MAMDC2: variants seen among roughly 807,000 people sequenced by gnomAD.
MAMDC2 encodes MAM domain-containing protein 2.
A neutral mutation model predicts 89.8 loss-of-function variants in MAMDC2; 57 were observed. The ratio of observed to expected loss-of-function variants is 0.63; its 90% confidence interval spans 0.51 to 0.79. The LOEUF (loss-of-function observed/expected upper bound fraction) is 0.79, where lower values mean the gene tolerates loss of function less well. Ranked by LOEUF, MAMDC2 falls within the 30% of genes least tolerant of loss-of-function variation. The pLI, the probability that MAMDC2 is intolerant of heterozygous loss-of-function variation, is 0.00. For missense variants in MAMDC2, 800 were observed against 820.6 expected (o/e 0.97, Z 0.31); for synonymous variants, 313 against 293.4 (o/e 1.07, Z -0.68).
intron 2 of MAMDC2, among the ~76,000 whole-genome samples, chr9:70,051,946 T>C (rs1487182000): frequency 6.6e-6 from 1 of 151,542 alleles, no homozygotes; most frequent in Non-Finnish European, 1.5e-5. Context: ...TAGATAGATA[T>C]AGTTTCACCT....
Position 70,226,269 on chromosome 9 carries a change from T to G in MAMDC2, c.*237T>G. ...ACTGGTTTTGCATAGATCATTCATC[T>G]TAATTTTGGTACCAGTTAAAAATAC... On this transcript the variant is annotated 3_prime_UTR_variant, in exon 14 of 14. Coordinates refer to ENST00000377182, the MANE Select transcript of MAMDC2 (RefSeq NM_153267.5). 3.4e-6 allele frequency: 1 copy of G among 294,092 alleles called. No individual in the cohort carries two copies. The highest frequency in any genetic ancestry group is 6.3e-6 in the Non-Finnish European group (1 of 158,704). 18.2% of individuals were successfully genotyped at this position (294,092 alleles called of 1,614,324 possible). A position where few individuals can be genotyped will look rare whatever the true frequency, so the allele number is the denominator to read the frequency against.
intron 7 of MAMDC2, among the ~76,000 whole-genome samples, chr9:70,134,871 G>C (rs1451476965): frequency 6.6e-6 from 1 of 152,122 alleles, no homozygotes; most frequent in Non-Finnish European, 1.5e-5. Flanking sequence ...GCCTGCTTTT[G>C]GGCTGGCACA....
At chr9:70,102,346 G>A (rs1828218491) in intron 2 of MAMDC2, among the ~76,000 whole-genome samples, 1 of 152,118 alleles carries the variant, frequency 6.6e-6, no homozygotes, top group African/African-American at 2.4e-5. Context: ...CTGAAGGACG[G>A]GGCATTCGGC....
chr9:70,198,545 AT>A (rs2033024748), intron 11 of MAMDC2, among the ~76,000 whole-genome samples: 1 of 151,998 alleles, frequency 6.6e-6, no homozygotes, highest in African/African-American at 2.4e-5. Flanking sequence ...GTCTTCAACT[AT>A]TTTCTCCCAC....
At chr9:70,124,947 G>T (rs2030462309) in intron 5 of MAMDC2, among the ~76,000 whole-genome samples, 1 of 152,186 alleles carries the variant, frequency 6.6e-6, no homozygotes, top group South Asian at 2.1e-4. Flanking sequence ...CTGGCCTCAA[G>T]CAATGCTCCC....
chr9:70,154,693 T>C (rs1392187548), intron 9 of MAMDC2, among the ~76,000 whole-genome samples: 1 of 151,996 alleles, frequency 6.6e-6, no homozygotes, highest in East Asian at 1.9e-4. Context: ...TTTCATTTTT[T>C]GCAGAGACAG....
At chr9:70,073,365 GT>G (rs1827453963) in intron 2 of MAMDC2, among the ~76,000 whole-genome samples, 1 of 152,162 alleles carries the variant, frequency 6.6e-6, no homozygotes, top group African/African-American at 2.4e-5. Context: ...GTTCCTAGTT[GT>G]TTTAAAACCA....
intron 2 of MAMDC2, among the ~76,000 whole-genome samples, chr9:70,049,491 C>G (rs1826839704): frequency 6.6e-6 from 1 of 152,162 alleles, no homozygotes; most frequent in Non-Finnish European, 1.5e-5. Flanking sequence ...TTCCTGCAGA[C>G]TACAGCTCCT....
chr9:70,085,834 T>A (rs977495419), intron 2 of MAMDC2: 2 of 152,132 alleles, frequency 1.3e-5, no homozygotes, highest in Non-Finnish European at 2.9e-5. Context: ...AACTTTTTAT[T>A]TTTTATTAAT....
At chr9:70,171,337 A>ATTT (rs11376987) in intron 11 of MAMDC2, among the ~76,000 whole-genome samples, 3 of 149,500 alleles carry the variant, frequency 2.0e-5, no homozygotes, top group African/African-American at 4.9e-5. Context: ...TATCTTGACA[A>ATTT]TTTTTTTTTT....
chr9:70,145,250 G>A (rs771688631), intron 9 of MAMDC2, among the ~76,000 whole-genome samples: 5 of 152,140 alleles, frequency 3.3e-5, no homozygotes, highest in Non-Finnish European at 5.9e-5. Flanking sequence ...GAGCTATATT[G>A]CTCAGCTCCC....
At chr9:70,044,500 ACCAGGTAGTCCC>A (rs1458709051) in intron 1 of MAMDC2, 72 bp from the exon 2 acceptor site, 3 of 1,099,258 alleles carry the variant, frequency 2.7e-6, no homozygotes, top group Middle Eastern at 2.9e-4. Flanking sequence ...CCCCACTTTC[ACCAGGTAGTCCC>A]CCTGGGGCTC....
intron 2 of MAMDC2, among the ~76,000 whole-genome samples, chr9:70,066,075 A>G (rs1375416289): frequency 6.6e-6 from 1 of 152,190 alleles, no homozygotes; most frequent in African/African-American, 2.4e-5. Flanking sequence ...AAACACATAA[A>G]TAATCATATA....
intron 2 of MAMDC2, chr9:70,092,345 A>C (rs1037753426): frequency 5.3e-5 from 8 of 152,246 alleles, no homozygotes; most frequent in African/African-American, 1.7e-4. Context: ...GAAGGACCAG[A>C]GAGCATGTTG....
intron 2 of MAMDC2, among the ~76,000 whole-genome samples, chr9:70,066,645 C>T (rs145175183): frequency 1.3e-5 from 2 of 152,228 alleles, no homozygotes; most frequent in African/African-American, 4.8e-5. Context: ...CTTTTCTCAT[C>T]AAGCCAGGGG....
intron 11 of MAMDC2, among the ~76,000 whole-genome samples, chr9:70,197,540 G>C (rs147423228): frequency 6.6e-6 from 1 of 152,094 alleles, no homozygotes; most frequent in African/African-American, 2.4e-5. Context: ...ATTTGCCAAA[G>C]TGTTTCACAT....
chr9:70,222,625 T>A (rs1384765217), intron 12 of MAMDC2, among the ~76,000 whole-genome samples: 2 of 152,206 alleles, frequency 1.3e-5, no homozygotes, highest in African/African-American at 4.8e-5. Context: ...ACTGACTCAC[T>A]ATTGATCAAA....
chr9:70,192,135 CTGA>C (rs2032892657), intron 11 of MAMDC2, among the ~76,000 whole-genome samples: 2 of 152,106 alleles, frequency 1.3e-5, no homozygotes, highest in South Asian at 4.1e-4. Context: ...GCTCATTTCA[CTGA>C]CCTTCCATTT....
chr9:70,123,868 C>T (rs1041759276), intron 5 of MAMDC2, among the ~76,000 whole-genome samples: 4 of 152,184 alleles, frequency 2.6e-5, no homozygotes, highest in South Asian at 2.1e-4. Flanking sequence ...CCTTCCCTCA[C>T]GGCCCTGAGA....
Sources: gnomAD v4.1 joint callset for allele counts (sites outside exome capture counted in the v4.1 genomes callset) on GRCh38, gnomAD v4.1.1 for gene constraint, MANE v1.5 for transcripts, NCBI Gene and HGNC (gene_info 2026-07-23, HGNC 2026-07-21) for gene names.